CEP83: variants seen among roughly 807,000 people sequenced by gnomAD.
CEP83 encodes the protein centrosomal protein 83.
A neutral mutation model predicts 101.9 loss-of-function variants in CEP83; 70 were observed. The observed-to-expected ratio is 0.69, with a 90% CI of 0.57 to 0.84. The LOEUF is 0.84. Ranked by LOEUF, CEP83 falls within the 40% of genes least tolerant of loss-of-function variation. The pLI is 0.00. For synonymous variants in CEP83, 264 were observed against 267.9 expected, an observed-to-expected ratio of 0.99 and a Z score of 0.14; for missense variants, 715 against 787.2, an observed-to-expected ratio of 0.91 and a Z score of 1.10.
At chr12:94,275,849 C>T in the CEP83 span, among the ~76,000 whole-genome samples, 22 of 67,276 alleles carry the variant, frequency 3.3e-4, 4 homozygotes, top group Non-Finnish European at 4.6e-4. Flanking sequence ...AGCGAGACTC[C>T]GTCTCAAAAA....
chr12:94,406,755 A>C (rs1396195548), intron 4 of CEP83, among the ~76,000 whole-genome samples: 1 of 152,004 alleles, frequency 6.6e-6, no homozygotes, highest in Non-Finnish European at 1.5e-5. Flanking sequence ...CCCCATGTCT[A>C]CTAACAATAA....
At chr12:94,368,370 A>G in intron 9 of CEP83, 169 bp from the exon 10 acceptor site, 3 of 573,912 alleles carry the variant, frequency 5.2e-6, no homozygotes, top group Non-Finnish European at 8.9e-6. Context: ...TTAAAATAAG[A>G]ATGAAACAGG....
chr12:94,304,477 A>G (rs1968798789), downstream of CEP83, among the ~76,000 whole-genome samples: 1 of 152,180 alleles, frequency 6.6e-6, no homozygotes, highest in Non-Finnish European at 1.5e-5. Context: ...ATTTCAATAA[A>G]CCATTCTCCT....
rs554591404 is a variant in CEP83, at chr12:94,411,307, A to T, written c.324+390T>A. 7.2e-5 allele frequency among the ~76,000 whole-genome samples: 11 copies of T among 152,264 alleles called. No homozygotes were observed. In the South Asian group the frequency reaches 8.3e-4, roughly 11 times the overall value. On this transcript the variant is annotated intron_variant, in intron 4 of 16. Transcript: ENST00000397809. ...CATACTGTTTTTACAGTCTCTTTTA[A>T]GAAGCTCTTTAAGAATAGCTGTCCT... is the stretch of plus-strand genomic sequence containing the variant.
chr12:94,411,829 T>C lies in CEP83; in HGVS notation c.192A>G (p.Val64=). 1 of 1,610,940 alleles carries C rather than the reference T, an allele frequency of 6.2e-7. No individual in the cohort carries two copies. The highest frequency in any genetic ancestry group is 8.5e-7 in the Non-Finnish European group (1 of 1,179,260). Residue 64 remains valine, a synonymous_variant, in exon 4 of 17, where the codon GTA becomes GTG. Transcript: ENST00000397809. ...AEHTRLQNEH[V]KLQNELKHLF... ...GGTGCTTGAGTTCATTTTGTAACTTTACATGTTCATTCTGCAACCTGGTTT... is the reference window on the plus strand; with the variant it reads ...GGTGCTTGAGTTCATTTTGTAACTTCACATGTTCATTCTGCAACCTGGTTT...
intron 6 of CEP83, among the ~76,000 whole-genome samples, chr12:94,387,095 C>G (rs909163812): frequency 1.3e-5 from 2 of 152,166 alleles, no homozygotes; most frequent in Non-Finnish European, 2.9e-5. Context: ...TTTAACCACA[C>G]CCAAAAGATA....
At chr12:94,347,222 A>G (rs567287921) in intron 11 of CEP83, among the ~76,000 whole-genome samples, 2 of 152,154 alleles carry the variant, frequency 1.3e-5, no homozygotes, top group East Asian at 1.9e-4. Context: ...TTATAAATCA[A>G]TAAGATAACT....
chr12:94,380,081 AAAAAAAAAAC>A (rs1201516578), intron 6 of CEP83, among the ~76,000 whole-genome samples: 4 of 150,668 alleles, frequency 2.7e-5, no homozygotes, highest in Middle Eastern at 3.2e-3. Context: ...CAAAAAAAAA[AAAAAAAAAAC>A]AAAAAACAAA....
the CEP83 span, among the ~76,000 whole-genome samples, chr12:94,274,732 A>T: frequency 3.9e-5 from 6 of 152,316 alleles, no homozygotes; most frequent in East Asian, 9.6e-4. Context: ...CAAAGGCAGG[A>T]TCACCGAGTG....
intron 1 of CEP83, among the ~76,000 whole-genome samples, chr12:94,443,628 G>T (rs2066584753): frequency 6.6e-6 from 1 of 152,068 alleles, no homozygotes; most frequent in Admixed American, 6.5e-5. Flanking sequence ...GAGTGGCTGG[G>T]ATTACAGGCA....
intron 1 of CEP83, among the ~76,000 whole-genome samples, chr12:94,450,376 C>T (rs1055889859): frequency 2.6e-5 from 4 of 152,092 alleles, no homozygotes; most frequent in Admixed American, 1.3e-4. Context: ...CTCAGCCTCC[C>T]GAGTAGCTGG....
chr12:94,448,649 G>C (rs2066984731), intron 1 of CEP83, among the ~76,000 whole-genome samples: 1 of 152,096 alleles, frequency 6.6e-6, no homozygotes, highest in Non-Finnish European at 1.5e-5. Flanking sequence ...TCAATTATTG[G>C]TAAATTTTAA....
rs138522208 is a variant in CEP83 at position 94,402,917 on chromosome 12, ATAAAAT to A, written c.417+247_417+252del. 8.5e-3 allele frequency: 2,096 copies of A among 247,392 alleles called. 57 individuals are homozygous for A. The highest frequency in any genetic ancestry group is 0.043 in the African/African-American group (1,922 of 45,144). The allele number at this position is 247,392 out of a possible 1,614,324, so 15.3% of individuals were successfully genotyped here. A position where few individuals can be genotyped will look rare whatever the true frequency, so the allele number is the denominator to read the frequency against. ...CTGTCGCAAAAAAATTAAAAAAGAA[ATAAAAT>A]TAAAAATAAAAATAAAGAAACGCAC... On this transcript the variant is annotated intron_variant, in intron 5 of 16. Transcript: ENST00000397809.
At position 94,400,831 on chromosome 12, in the gene CEP83, C is replaced by A; in HGVS notation, c.549+19G>T. ...TGACCAGAACAATAACAAAGAAACTCGTATAATCAATCACTTACCTCTGAT... is the reference window on the plus strand; with the variant it reads ...TGACCAGAACAATAACAAAGAAACTAGTATAATCAATCACTTACCTCTGAT... On this transcript the variant is annotated intron_variant, in intron 6 of 16. Coordinates refer to ENST00000397809, the MANE Select transcript of CEP83 (RefSeq NM_016122.3). 3 of 1,374,978 alleles carry A rather than the reference C, an allele frequency of 2.2e-6. No individual in the cohort carries two copies. Among genetic ancestry groups the A allele is most frequent in the Non-Finnish European group, 2.9e-6 (3 of 1,050,182 alleles). 85.2% of individuals were successfully genotyped at this position (1,374,978 alleles called of 1,614,324 possible). A position where few individuals can be genotyped will look rare whatever the true frequency, so the allele number is the denominator to read the frequency against.
intron 14 of CEP83, among the ~76,000 whole-genome samples, chr12:94,328,882 C>A (rs889527820): frequency 6.6e-6 from 1 of 152,180 alleles, no homozygotes; most frequent in Non-Finnish European, 1.5e-5. Flanking sequence ...ATCTTGGGTA[C>A]CTCCTACTTT....
chr12:94,368,476 T>G, intron 9 of CEP83: 1 of 266,852 alleles, frequency 3.7e-6, no homozygotes. Flanking sequence ...CATTCGAACA[T>G]TGAGAGTTGA....
chr12:94,459,349 C>T (rs2067965533), intron 1 of CEP83, among the ~76,000 whole-genome samples: 1 of 152,188 alleles, frequency 6.6e-6, no homozygotes, highest in South Asian at 2.1e-4. Context: ...GGCCAATTAC[C>T]AAACTGGCTA....
chr12:94,412,609 CAT>C lies in CEP83; in HGVS notation c.-101-20_-101-19del. The C allele has an allele frequency of 1.5e-6, 1 of 674,102 alleles. No homozygotes were observed. The highest frequency in any genetic ancestry group is 2.5e-6 in the Non-Finnish European group (1 of 406,974). The allele number at this position is 674,102 out of a possible 1,614,324, so 41.8% of individuals were successfully genotyped here. On this transcript the variant is annotated intron_variant, in intron 2 of 16. Transcript: ENST00000397809. ...AATTATACCTGCACAGAGAAATAAA[CAT>C]AATTACATAATTTGCGATCAGTAAA... is the stretch of plus-strand genomic sequence containing the variant.
intron 16 of CEP83, 82 bp from the exon 17 acceptor site, chr12:94,308,999 A>G: frequency 2.3e-6 from 2 of 875,690 alleles, no homozygotes; most frequent in South Asian, 2.8e-5. Flanking sequence ...CCTCTTTTAT[A>G]TATGCCTATA....
Sources: gnomAD v4.1 joint callset for allele counts (sites outside exome capture counted in the v4.1 genomes callset) on GRCh38, gnomAD v4.1.1 for gene constraint, MANE v1.5 for transcripts, NCBI Gene and HGNC (gene_info 2026-07-23, HGNC 2026-07-21) for gene names.